The following DGCR2 variants were observed in gnomAD, a reference collection of about 807,000 sequenced individuals.
The protein encoded by DGCR2 is DiGeorge syndrome critical region gene 2, also known as integral membrane protein DGCR2/IDD.
DGCR2 carries 24 observed loss-of-function variants against 51.6 expected under a neutral mutation model. The observed-to-expected ratio is 0.47, with a 90% CI of 0.34 to 0.65. DGCR2 has a LOEUF of 0.65. Among genes scored for constraint, DGCR2 ranks in the 30% least tolerant of loss-of-function variants. The pLI, the probability that DGCR2 is intolerant of heterozygous loss-of-function variation, is 0.01. For missense variants in DGCR2, 765 were observed against 772.1 expected (o/e 0.99, Z 0.11); for synonymous variants, 340 against 315.4 (o/e 1.08, Z -0.82).
chr22:19,100,481 T>G (rs866431960), intron 1 of DGCR2, among the ~76,000 whole-genome samples: 1 of 151,452 alleles, frequency 6.6e-6, no homozygotes, highest in Non-Finnish European at 1.5e-5. Flanking sequence ...CTGGCTAACA[T>G]GGTGAAACCC....
At chr22:19,066,672 T>C (rs2082753119) in intron 3 of DGCR2, among the ~76,000 whole-genome samples, 1 of 152,042 alleles carries the variant, frequency 6.6e-6, no homozygotes, top group Non-Finnish European at 1.5e-5. Context: ...GGCTGAGGCA[T>C]GGAGGGAAGG....
chr22:19,075,106 T>C (rs1344697087), intron 2 of DGCR2, among the ~76,000 whole-genome samples: 2 of 152,208 alleles, frequency 1.3e-5, no homozygotes, highest in East Asian at 1.9e-4. Flanking sequence ...GATATTGGAT[T>C]TTCTGAACTC....
At chr22:19,053,413 A>C (rs2082569483) in intron 6 of DGCR2, among the ~76,000 whole-genome samples, 1 of 152,186 alleles carries the variant, frequency 6.6e-6, no homozygotes, top group South Asian at 2.1e-4. Flanking sequence ...CATTAAGAAA[A>C]ACCCTCTGGC....
intron 1 of DGCR2, among the ~76,000 whole-genome samples, chr22:19,118,374 C>CAAAAAAA (rs923572855): frequency 4.4e-4 from 25 of 56,726 alleles, no homozygotes; most frequent in South Asian, 1.4e-3. Flanking sequence ...CCATCGCAAA[C>CAAAAAAA]AAAAAAAAAA....
At chr22:19,041,598 C>T (rs115140378) in intron 8 of DGCR2, 7 of 637,944 alleles carry the variant, frequency 1.1e-5, no homozygotes, top group East Asian at 5.5e-5. Flanking sequence ...CAGAGGCCTC[C>T]GAGTTCTGCC....
At chr22:19,043,809 C>T (rs74380747) in intron 7 of DGCR2, among the ~76,000 whole-genome samples, 3 of 152,200 alleles carry the variant, frequency 2.0e-5, no homozygotes, top group African/African-American at 7.2e-5. Flanking sequence ...CATGCCCACA[C>T]AGATGGCAGC....
rs1444505470 is a variant in DGCR2, at chr22:19,099,734, G to A, written c.80-10244C>T. 2.0e-5 allele frequency among the ~76,000 whole-genome samples: 3 copies of A among 152,110 alleles called. No individual in the cohort carries two copies. The South Asian group carries it at 6.2e-4, about 32-fold the overall frequency. On this transcript the variant is annotated intron_variant, in intron 1 of 9. Coordinates refer to ENST00000263196, the MANE Select transcript of DGCR2 (RefSeq NM_005137.3). ...GCCTGTAATCCCAGCACTTTGGGAGGCCAAGGCACGTGGATCACAAGGTCA... is the reference window on the plus strand; with the variant it reads ...GCCTGTAATCCCAGCACTTTGGGAGACCAAGGCACGTGGATCACAAGGTCA...
chr22:19,058,468 C>A (rs1396642801), intron 5 of DGCR2, among the ~76,000 whole-genome samples: 3 of 152,162 alleles, frequency 2.0e-5, no homozygotes, highest in African/African-American at 7.2e-5. Flanking sequence ...TCACGCTGTG[C>A]ACCACCCCAC....
chr22:19,091,849 A>C (rs1405587881), intron 1 of DGCR2, among the ~76,000 whole-genome samples: 1 of 152,218 alleles, frequency 6.6e-6, no homozygotes, highest in African/African-American at 2.4e-5. Flanking sequence ...CTGAGGCAGG[A>C]GAATCGCTTG....
At chr22:19,040,318 C>A (rs2283642) in intron 9 of DGCR2, among the ~76,000 whole-genome samples, 1 of 152,258 alleles carries the variant, frequency 6.6e-6, no homozygotes, top group East Asian at 1.9e-4. Context: ...TTAGGCACAG[C>A]AGCCCCAGCC....
chr22:19,043,096 G>A (rs1014888522), intron 7 of DGCR2, among the ~76,000 whole-genome samples: 1 of 152,234 alleles, frequency 6.6e-6, no homozygotes, highest in Non-Finnish European at 1.5e-5. Context: ...GAGTAGGCAG[G>A]AGGGGCCATG....
In DGCR2 at chr22:19,041,804, TAC is replaced by T; in HGVS notation, c.1159+1_1159+2del. 1.2e-6 allele frequency: 2 copies of T among 1,611,342 alleles called. No individual in the cohort carries two copies. The highest frequency in any genetic ancestry group is 1.3e-5 in the African/African-American group (1 of 74,960). Reference sequence around the variant, plus strand: ...AGGGTTGTGGCCCTCAGAGGGCACTTACAGTTTGCTCCAATCAGGGACTCGAT... The same window carrying T: ...AGGGTTGTGGCCCTCAGAGGGCACTTAGTTTGCTCCAATCAGGGACTCGAT... On this transcript the variant is annotated splice_donor_variant, in intron 8 of 9. Transcript: ENST00000263196. LOFTEE classifies it high-confidence loss of function.
At chr22:19,111,011 C>T (rs1405416894) in intron 1 of DGCR2, among the ~76,000 whole-genome samples, 1 of 152,146 alleles carries the variant, frequency 6.6e-6, no homozygotes, top group Non-Finnish European at 1.5e-5. Context: ...TTCAGTTATA[C>T]ACATTTTTTT....
chr22:19,119,567 C>G (rs1057459288), intron 1 of DGCR2, among the ~76,000 whole-genome samples: 2 of 152,182 alleles, frequency 1.3e-5, no homozygotes, highest in Middle Eastern at 3.4e-3. Flanking sequence ...AAAACCCCAT[C>G]TCTACTAAAA....
intron 5 of DGCR2, among the ~76,000 whole-genome samples, 177 bp downstream of exon 5, chr22:19,063,025 T>A (rs1247439811): frequency 6.6e-6 from 1 of 152,114 alleles, no homozygotes; most frequent in Non-Finnish European, 1.5e-5. Context: ...ATGCAGGGCC[T>A]GATCTGCAGG....
rs201586022 is a variant in DGCR2 at position 19,063,195 on chromosome 22, G to C, written c.625+7C>G. The C allele has an allele frequency of 1.1e-4, 174 of 1,613,858 alleles. No homozygotes were observed. The African/African-American group carries it at 2.0e-3, about 18-fold the overall frequency. On this transcript the variant is annotated splice_region_variant and intron_variant, in intron 5 of 9. Coordinates refer to ENST00000263196, the MANE Select transcript of DGCR2 (RefSeq NM_005137.3). ...TTCAAACACTCCCACACACCAGAAG[G>C]GCTCACCTTTGAATGCCACCTCCCA...
intron 1 of DGCR2, among the ~76,000 whole-genome samples, chr22:19,096,894 CA>C (rs35065228): frequency 0.17 from 23,211 of 138,034 alleles, 3,418 homozygotes; most frequent in African/African-American, 0.41. Context: ...AAAAAAAAAA[CA>C]AAAAAAAAAA....
In DGCR2 at chr22:19,057,274, C is replaced by T. The variant is rs182397617; in HGVS notation, c.626-112G>A. On this transcript the variant is annotated intron_variant, in intron 5 of 9. Coordinates refer to ENST00000263196, the MANE Select transcript of DGCR2 (RefSeq NM_005137.3). The surrounding 1 kb of genome is among the most constrained non-coding windows in gnomAD (Gnocchi z 5.1). ...GGATCATCAACCACAGGGCCTGGAC[C>T]GCCAAGTACTGGTGGTCACTGTGGC... is the stretch of plus-strand genomic sequence containing the variant. 23 of 1,191,164 alleles carry T rather than the reference C, an allele frequency of 1.9e-5. No homozygotes were observed. The highest frequency in any genetic ancestry group is 5.2e-5 in the East Asian group (2 of 38,144). The allele number at this position is 1,191,164 out of a possible 1,614,324, so 73.8% of individuals were successfully genotyped here. A position where few individuals can be genotyped will look rare whatever the true frequency, so the allele number is the denominator to read the frequency against.
At chr22:19,052,323 T>G (rs1176411081) in intron 6 of DGCR2, among the ~76,000 whole-genome samples, 1 of 151,296 alleles carries the variant, frequency 6.6e-6, no homozygotes, top group Non-Finnish European at 1.5e-5. Context: ...GGCTGAGACA[T>G]GCGAATCGCT....
Sources: gnomAD v4.1 joint callset for allele counts (sites outside exome capture counted in the v4.1 genomes callset) on GRCh38, gnomAD v4.1.1 for gene constraint, Gnocchi (gnomAD v3.1) non-coding constraint, MANE v1.5 for transcripts, NCBI Gene and HGNC (gene_info 2026-07-23, HGNC 2026-07-21) for gene names.